BTN3A3: variants seen among roughly 807,000 people sequenced by gnomAD.
The protein encoded by BTN3A3 is butyrophilin subfamily 3 member A3.
A neutral mutation model predicts 43.2 loss-of-function variants in BTN3A3; 39 were observed. That is an observed-to-expected ratio of 0.90 (90% CI 0.70 to 1.18). The LOEUF is 1.18. BTN3A3 is among the 50% of genes most tolerant of loss of function. BTN3A3 has a pLI of 0.00. For missense variants in BTN3A3, 631 were observed against 722.8 expected, an observed-to-expected ratio of 0.87 and a Z score of 1.46; for synonymous variants, 255 against 272.7, an observed-to-expected ratio of 0.93 and a Z score of 0.64.
intron 10 of BTN3A3, among the ~76,000 whole-genome samples, chr6:26,451,365 A>C (rs1278709719): frequency 6.6e-6 from 1 of 152,178 alleles, no homozygotes; most frequent in Non-Finnish European, 1.5e-5. Flanking sequence ...TCTGAGTATA[A>C]GGCATTAGGG....
intron 5 of BTN3A3, among the ~76,000 whole-genome samples, chr6:26,447,737 T>C (rs1762817928): frequency 6.6e-6 from 1 of 152,174 alleles, no homozygotes; most frequent in African/African-American, 2.4e-5. Flanking sequence ...ATTTTATAGA[T>C]TAGGCCACTA....
rs1311979838 is a variant in BTN3A3, at chr6:26,448,365, T to A, written c.833T>A (p.Ile278Asn). The A allele has an allele frequency of 1.9e-6, 3 of 1,613,198 alleles. No homozygotes were observed. Among genetic ancestry groups the A allele is most frequent in the Middle Eastern group, 1.6e-4 (1 of 6,062 alleles). ...TTGTGGAGACAACAGAAGGAAAAAA[T>A]TGCTCTGTCCAGGGAGACAGAAAGA... ...YFLWRQQKEK[I>N]ALSRETERER... Residue 278 changes from isoleucine to asparagine, a missense_variant, in exon 6 of 11, where the codon ATT becomes AAT. Ile to Asn is a moderately radical substitution (Grantham distance 149). This residue lies in a region of BTN3A3 where 551 missense variants were observed against 584.0 expected (regional missense o/e 0.94). Coordinates refer to ENST00000244519, the MANE Select transcript of BTN3A3 (RefSeq NM_006994.5).
At chr6:26,450,592 TG>T (rs1182871901) in intron 10 of BTN3A3, among the ~76,000 whole-genome samples, 2 of 152,146 alleles carry the variant, frequency 1.3e-5, no homozygotes, top group African/African-American at 4.8e-5. Context: ...CTGTGTTTTG[TG>T]GGGGTGAGGT....
At chr6:26,448,901 C>T (rs1308660409) in intron 8 of BTN3A3, 147 bp downstream of exon 8, 3 of 947,380 alleles carry the variant, frequency 3.2e-6, no homozygotes, top group Non-Finnish European at 4.8e-6. Flanking sequence ...AAGTTTGGCT[C>T]TTTGGAGAAA....
At chr6:26,449,782 G>A in intron 9 of BTN3A3, 94 bp downstream of exon 9, 1 of 1,475,272 alleles carries the variant, frequency 6.8e-7, no homozygotes, top group South Asian at 1.1e-5. Context: ...TTCTCAGTTG[G>A]ATTAATCAGA....
chr6:26,448,590 T>C (rs751894661), intron 6 of BTN3A3, 27 bp from the exon 7 acceptor site: 19 of 1,613,822 alleles, frequency 1.2e-5, no homozygotes, highest in Non-Finnish European at 1.5e-5. Context: ...GTTCTTTTTT[T>C]CTTTTCTTTT....
chr6:26,440,811 TGTGTGC>T (rs750969679), intron 1 of BTN3A3, 163 bp downstream of exon 1: 4 of 147,072 alleles, frequency 2.7e-5, no homozygotes, highest in South Asian at 2.1e-4. Context: ...TGTGTGTGTG[TGTGTGC>T]GTGTGTGCGC....
chr6:26,444,064 C>A lies in BTN3A3; in HGVS notation c.193C>A (p.Leu65Met), dbSNP rs1213056215. ...GACCATGAGTGCAGAGACCATGGAG[C>A]TGAGGTGGGTGAGTTCCAGCCTAAG... ...FPTMSAETME[L>M]RWVSSSLRQV... The change falls in exon 4 of 11, where the codon CTG (leucine) becomes ATG (methionine). Residue 65 changes from leucine to methionine, a missense_variant. Leu to Met is a conservative substitution (Grantham distance 15). This residue lies in a region of BTN3A3 where 80 missense variants were observed against 138.7 expected (regional missense o/e 0.58). Coordinates refer to ENST00000244519, the MANE Select transcript of BTN3A3 (RefSeq NM_006994.5). 6.2e-7 allele frequency: 1 copy of A among 1,613,878 alleles called. No homozygotes were observed. Among genetic ancestry groups the A allele is most frequent in the Non-Finnish European group, 8.5e-7 (1 of 1,179,876 alleles).
In BTN3A3 at chr6:26,451,824, T is replaced by G; in HGVS notation, c.1168T>G (p.Phe390Val). Residue 390 changes from phenylalanine to valine, a missense_variant, in exon 11 of 11, where the codon TTC (phenylalanine) becomes GTC (valine). Coordinates refer to ENST00000244519, the MANE Select transcript of BTN3A3 (RefSeq NM_006994.5). The part of the protein sequence containing the change: ...WRYCVLGCEN[F>V]TSGRHYWEVE... ...TTACTGTGTCCTTGGCTGTGAAAAC[T>G]TCACATCAGGGAGACATTACTGGGA... The G allele has an allele frequency of 6.2e-7, 1 of 1,613,972 alleles. No individual in the cohort carries two copies.
rs1324787240 is a variant in BTN3A3 at position 26,452,281 on chromosome 6, A to G, written c.1625A>G (p.Asn542Ser). The change falls in exon 11 of 11, where the codon AAT becomes AGT. Residue 542 changes from asparagine (N) to serine (S), a missense_variant. Asn to Ser is a conservative substitution (Grantham distance 46). Around this residue, in one of 2 missense-constraint regions of BTN3A3, gnomAD observed 551 missense variants for 584.0 expected, o/e 0.94. Coordinates refer to ENST00000244519, the MANE Select transcript of BTN3A3 (RefSeq NM_006994.5). ...ACACCACTGACCCCGGGCTTAGCTA[A>G]TGAAAGTGGGGAGCCTCAGGCTGAA... ...LETPLTPGLA[N>S]ESGEPQAEVT... 6.2e-7 allele frequency: 1 copy of G among 1,613,928 alleles called. No homozygotes were observed. Among genetic ancestry groups the G allele is most frequent in the Non-Finnish European group, 8.5e-7 (1 of 1,180,004 alleles).
rs942186622 is a variant in BTN3A3 at position 26,440,531 on chromosome 6, G to A, written c.-184G>A. ...TATTATTCCTCACAATAACCAGATAGCCTCTGCTTTCTTTTTCCTTTCTTC... is the reference window on the plus strand; with the variant it reads ...TATTATTCCTCACAATAACCAGATAACCTCTGCTTTCTTTTTCCTTTCTTC... On this transcript the variant is annotated 5_prime_UTR_variant, in exon 1 of 11. Transcript: ENST00000244519. The A allele has an allele frequency of 1.3e-5, 2 of 152,186 alleles. No homozygotes were observed. The highest frequency in any genetic ancestry group is 4.8e-5 in the African/African-American group (2 of 41,444). 9.4% of individuals were successfully genotyped at this position (152,186 alleles called of 1,614,324 possible).
At position 26,451,884 on chromosome 6, in the gene BTN3A3, G is replaced by A. The variant is rs755499131; in HGVS notation, c.1228G>A (p.Gly410Arg). The change falls in exon 11 of 11, where the codon GGG becomes AGG. Residue 410 changes from glycine (G) to arginine (R), a missense_variant. Around this residue, in one of 2 missense-constraint regions of BTN3A3, gnomAD observed 551 missense variants for 584.0 expected, o/e 0.94. Coordinates refer to ENST00000244519, the MANE Select transcript of BTN3A3 (RefSeq NM_006994.5). ...EVGDRKEWHIGVCSKNVERKK... is the reference protein window; with the variant it reads ...EVGDRKEWHIRVCSKNVERKK... ...GGGGGACAGAAAAGAGTGGCATATTGGGGTATGTAGTAAGAACGTGGAGAG... is the reference window on the plus strand; with the variant it reads ...GGGGGACAGAAAAGAGTGGCATATTAGGGTATGTAGTAAGAACGTGGAGAG... 7.4e-6 allele frequency: 12 copies of A among 1,614,116 alleles called. 1 individual carries two copies. The African/African-American group carries it at 9.3e-5, about 13-fold the overall frequency.
At chr6:26,444,386 A>G in intron 4 of BTN3A3, 82 bp downstream of exon 4, 1 of 1,604,592 alleles carries the variant, frequency 6.2e-7, no homozygotes, top group Non-Finnish European at 8.5e-7. Flanking sequence ...AAAGTACTGC[A>G]GACACTCCTG....
At position 26,445,896 on chromosome 6, in the gene BTN3A3, T is replaced by A; in HGVS notation, c.626T>A (p.Ile209Asn). The part of the protein sequence containing the change: ...VGLYAVAASV[I>N]MRGSSGGGVS... ...CTGTATGCAGTAGCAGCATCTGTGA[T>A]CATGAGAGGCAGCTCTGGTGGGGGT... The change falls in exon 5 of 11, where the codon ATC becomes AAC. Residue 209 changes from isoleucine (I) to asparagine (N), a missense_variant. This residue lies in a region of BTN3A3 where 551 missense variants were observed against 584.0 expected (regional missense o/e 0.94). Transcript: ENST00000244519. The A allele has an allele frequency of 6.2e-7, 1 of 1,614,152 alleles. No individual in the cohort carries two copies. The highest frequency in any genetic ancestry group is 8.5e-7 in the Non-Finnish European group (1 of 1,180,040).
chr6:26,442,927 G>A (rs528115536), intron 1 of BTN3A3, among the ~76,000 whole-genome samples: 1 of 152,300 alleles, frequency 6.6e-6, no homozygotes, highest in East Asian at 1.9e-4. Flanking sequence ...CACTAATATA[G>A]TAGGCCTCAC....
chr6:26,443,554 A>T lies in BTN3A3; in HGVS notation c.-5-16A>T. On this transcript the variant is annotated splice_polypyrimidine_tract_variant and intron_variant, in intron 2 of 10. Coordinates refer to ENST00000244519, the MANE Select transcript of BTN3A3 (RefSeq NM_006994.5). ...TAGTGTCTGTCCCACACCTTCTGGT[A>T]TCTCTTGATATGCAGCATAGATGAA... 1 of 1,613,076 alleles carries T rather than the reference A, an allele frequency of 6.2e-7. No homozygotes were observed. The highest frequency in any genetic ancestry group is 8.5e-7 in the Non-Finnish European group (1 of 1,179,118).
Position 26,451,544 on chromosome 6 carries a change from A to G in BTN3A3, c.1019-131A>G, listed in dbSNP as rs963313391. Reference sequence around the variant, plus strand: ...CTCCCATGACATTGATGAGAGAGTCATATTTAGAGCAGGCTAGGGACGCCA... The same window carrying G: ...CTCCCATGACATTGATGAGAGAGTCGTATTTAGAGCAGGCTAGGGACGCCA... On this transcript the variant is annotated intron_variant, in intron 10 of 10. Coordinates refer to ENST00000244519, the MANE Select transcript of BTN3A3 (RefSeq NM_006994.5). 2.2e-5 allele frequency: 32 copies of G among 1,461,088 alleles called. No individual in the cohort carries two copies. The African/African-American group carries it at 3.4e-4, about 16-fold the overall frequency. The allele number at this position is 1,461,088 out of a possible 1,614,324, so 90.5% of individuals were successfully genotyped here.
chr6:26,449,517 A>C, intron 8 of BTN3A3, 145 bp from the exon 9 acceptor site: 1 of 809,762 alleles, frequency 1.2e-6, no homozygotes, highest in Non-Finnish European at 2.0e-6. Flanking sequence ...GAAGAGGTGA[A>C]GAGAGAATTG....
chr6:26,442,699 A>T (rs955271844), intron 1 of BTN3A3, among the ~76,000 whole-genome samples: 2 of 152,246 alleles, frequency 1.3e-5, no homozygotes, highest in African/African-American at 2.4e-5. Context: ...CTGCAGTGTC[A>T]TTCTCACAGA....
Sources: allele counts gnomAD v4.1 joint callset (sites outside exome capture counted in the v4.1 genomes callset), GRCh38; gene constraint gnomAD v4.1.1; regional missense constraint gnomAD v4.1.1; transcripts MANE v1.5; gene names NCBI Gene and HGNC (gene_info 2026-07-23, HGNC 2026-07-21).